Variants in SLC4A8 observed in about 807,000 individuals in gnomAD.
SLC4A8 encodes the protein electroneutral sodium bicarbonate exchanger 1.
SLC4A8 carries 40 observed loss-of-function variants against 125.0 expected under a neutral mutation model. The ratio of observed to expected loss-of-function variants is 0.32; its 90% CI spans 0.25 to 0.42. The LOEUF is 0.42. Among genes scored for constraint, SLC4A8 ranks in the 10% least tolerant of loss-of-function variants. The pLI is 1.00. For missense variants in SLC4A8, 863 were observed against 1,355.1 expected, an observed-to-expected ratio of 0.64 and a Z score of 5.70; for synonymous variants, 456 against 476.0, an observed-to-expected ratio of 0.96 and a Z score of 0.55.
chr12:51,394,522 A>T (rs1349105720), intron 1 of SLC4A8, among the ~76,000 whole-genome samples: 2 of 152,226 alleles, frequency 1.3e-5, no homozygotes, highest in East Asian at 3.8e-4. Context: ...GCAACTTTCG[A>T]AAAATGGTTT....
intron 1 of SLC4A8, among the ~76,000 whole-genome samples, chr12:51,406,080 C>T (rs1592142358): frequency 6.6e-6 from 1 of 152,170 alleles, no homozygotes; most frequent in East Asian, 1.9e-4. Context: ...TTGAGAGTAT[C>T]CCAACAGTAG....
chr12:51,455,436 G>A (rs944765836), intron 5 of SLC4A8, among the ~76,000 whole-genome samples: 1 of 152,106 alleles, frequency 6.6e-6, no homozygotes, highest in Non-Finnish European at 1.5e-5. Context: ...GTGGAAAAAA[G>A]GAGTAAAGAG....
chr12:51,483,712 G>C (rs1951089802), intron 16 of SLC4A8, among the ~76,000 whole-genome samples: 1 of 151,958 alleles, frequency 6.6e-6, no homozygotes, highest in Non-Finnish European at 1.5e-5. Context: ...AGGTTTGGAA[G>C]TATAATGCGA....
At chr12:51,443,718 G>A (rs925145215) in intron 2 of SLC4A8, among the ~76,000 whole-genome samples, 4 of 152,138 alleles carry the variant, frequency 2.6e-5, no homozygotes, top group South Asian at 2.1e-4. Context: ...ACATCTGCTC[G>A]ACATGTGAGA....
rs1265187909 is a variant in SLC4A8 at position 51,510,691 on chromosome 12, C to T, written c.*3253C>T. On this transcript the variant is annotated 3_prime_UTR_variant, in exon 25 of 25. Coordinates refer to ENST00000453097, the MANE Select transcript of SLC4A8 (RefSeq NM_001039960.3). Reference sequence around the variant, plus strand: ...CCTCTCTTTCTTTTCATGCAAGAGACTTTAAGGGTAACCTCTTCAGTTGAA... The same window carrying T: ...CCTCTCTTTCTTTTCATGCAAGAGATTTTAAGGGTAACCTCTTCAGTTGAA... The T allele has an allele frequency of 6.6e-6, 1 of 152,204 alleles. No individual in the cohort carries two copies. Among genetic ancestry groups the T allele is most frequent in the Non-Finnish European group, 1.5e-5 (1 of 68,050 alleles). 9.4% of individuals were successfully genotyped at this position (152,204 alleles called of 1,614,324 possible). A position where few individuals can be genotyped will look rare whatever the true frequency, so the allele number is the denominator to read the frequency against.
rs1362563759 is a variant in SLC4A8, at chr12:51,460,098, A to G, written c.1003A>G (p.Ile335Val). 1.9e-6 allele frequency: 3 copies of G among 1,613,820 alleles called. No homozygotes were observed. The highest frequency in any genetic ancestry group is 1.7e-4 in the Middle Eastern group (1 of 6,060). ...VLLSGLTEVP[I>V]PTRFLFILLG... Reference sequence around the variant, plus strand: ...TCTCTCAGGCCTAACAGAAGTGCCAATCCCAACAAGGTAAAGGCAAAGATA... The same window carrying G: ...TCTCTCAGGCCTAACAGAAGTGCCAGTCCCAACAAGGTAAAGGCAAAGATA... Residue 335 changes from isoleucine (I) to valine (V), a missense_variant, in exon 8 of 25, where the codon ATC becomes GTC. Physicochemically the swap from Ile to Val is conservative, Grantham distance 29 (BLOSUM62 3). Coordinates refer to ENST00000453097, the MANE Select transcript of SLC4A8 (RefSeq NM_001039960.3).
chr12:51,439,099 C>T (rs554310943), intron 1 of SLC4A8, among the ~76,000 whole-genome samples: 1 of 152,200 alleles, frequency 6.6e-6, no homozygotes, highest in East Asian at 1.9e-4. Context: ...CTCTGTTGCC[C>T]ATGCTGGAGT....
In SLC4A8 at chr12:51,507,600, A is replaced by T. The variant is rs557013220; in HGVS notation, c.*162A>T. ...AAGCATTCAGTTATTCTTGGTGTGC[A>T]TTGGAAGGCATCCAGCTATCCCCAT... On this transcript the variant is annotated 3_prime_UTR_variant, in exon 25 of 25. Coordinates refer to ENST00000453097, the MANE Select transcript of SLC4A8 (RefSeq NM_001039960.3). The T allele has an allele frequency of 6.1e-6, 3 of 492,744 alleles. No homozygotes were observed. The highest frequency in any genetic ancestry group is 1.1e-5 in the Non-Finnish European group (3 of 275,636). 30.5% of individuals were successfully genotyped at this position (492,744 alleles called of 1,614,324 possible).
intron 10 of SLC4A8, 30 bp downstream of exon 10, chr12:51,462,486 A>C: frequency 1.3e-6 from 2 of 1,525,500 alleles, no homozygotes; most frequent in Non-Finnish European, 1.8e-6. Flanking sequence ...CAATGTGGCT[A>C]TTGTCACTTA....
chr12:51,424,817 G>A, upstream of SLC4A8: 5 of 641,488 alleles, frequency 7.8e-6, 1 homozygote, highest in South Asian at 9.7e-5. Flanking sequence ...CTGATTGGTT[G>A]CGGCGGATGC....
At chr12:51,442,039 C>T (rs1043047989) in intron 2 of SLC4A8, among the ~76,000 whole-genome samples, 2 of 152,176 alleles carry the variant, frequency 1.3e-5, no homozygotes, top group African/African-American at 4.8e-5. Flanking sequence ...TTAGATTAGG[C>T]ACCTTATACA....
intron 2 of SLC4A8, among the ~76,000 whole-genome samples, chr12:51,447,620 C>T (rs757162143): frequency 6.6e-6 from 1 of 151,906 alleles, no homozygotes; most frequent in Non-Finnish European, 1.5e-5. Flanking sequence ...GAGTCAAAAC[C>T]AGGCCATTTG....
chr12:51,410,838 T>C (rs891713446), intron 1 of SLC4A8, among the ~76,000 whole-genome samples: 1 of 151,628 alleles, frequency 6.6e-6, no homozygotes, highest in Non-Finnish European at 1.5e-5. Flanking sequence ...GGATTTCCTA[T>C]CTCTTCGAAC....
chr12:51,503,681 C>G (rs1938035674), intron 22 of SLC4A8, among the ~76,000 whole-genome samples: 1 of 152,138 alleles, frequency 6.6e-6, no homozygotes, highest in South Asian at 2.1e-4. Flanking sequence ...GTTGAAGAAA[C>G]AGGGTCTTTG....
intron 1 of SLC4A8, among the ~76,000 whole-genome samples, chr12:51,395,636 A>G (rs868290597): frequency 7.2e-5 from 11 of 152,174 alleles, no homozygotes; most frequent in African/African-American, 2.4e-4. Flanking sequence ...TGCTGGCTCC[A>G]CTTAGCTAGG....
At chr12:51,403,209 C>T (rs993655453) in intron 1 of SLC4A8, 23 of 456,812 alleles carry the variant, frequency 5.0e-5, no homozygotes, top group East Asian at 2.1e-4. Flanking sequence ...TCCTCGCTAC[C>T]GCCGGGGAGA....
chr12:51,505,967 C>T, intron 24 of SLC4A8, 37 bp downstream of exon 24: 1 of 1,004,756 alleles, frequency 1.0e-6, no homozygotes, highest in East Asian at 2.5e-5. Flanking sequence ...TTATTTATTT[C>T]TGGCTTTTGA....
intron 8 of SLC4A8, among the ~76,000 whole-genome samples, chr12:51,460,375 CAG>C (rs949439047): frequency 8.4e-6 from 1 of 118,578 alleles, no homozygotes; most frequent in African/African-American, 3.2e-5. Context: ...GTGTGGGTGA[CAG>C]AGTGAGACCC....
At chr12:51,452,810 C>A (rs1950009227) in intron 4 of SLC4A8, among the ~76,000 whole-genome samples, 1 of 152,178 alleles carries the variant, frequency 6.6e-6, no homozygotes, top group Admixed American at 6.5e-5. Flanking sequence ...AGACTCAAAT[C>A]CCAGAAGAGC....
Sources: gnomAD v4.1 joint callset for allele counts (sites outside exome capture counted in the v4.1 genomes callset) on GRCh38, gnomAD v4.1.1 for gene constraint, MANE v1.5 for transcripts, NCBI Gene and HGNC (gene_info 2026-07-23, HGNC 2026-07-21) for gene names.